The following RNF17 variants were observed in gnomAD, a reference collection of about 807,000 sequenced individuals.
RNF17 encodes spermatogenesis associated 23.
A neutral mutation model predicts 200.5 loss-of-function variants in RNF17; 31 were observed. That is an observed-to-expected ratio of 0.15 (90% CI 0.12 to 0.21). RNF17 has a LOEUF of 0.21. RNF17 is among the 10% of genes least tolerant of loss of function. The pLI is 1.00. For missense variants in RNF17, 1,628 were observed against 1,905.1 expected (o/e 0.85, Z 2.71); for synonymous variants, 606 against 637.8 (o/e 0.95, Z 0.75).
chr13:24,787,085 C>T (rs1883210806), intron 6 of RNF17, among the ~76,000 whole-genome samples: 1 of 151,974 alleles, frequency 6.6e-6, no homozygotes, highest in Admixed American at 6.6e-5. Flanking sequence ...TTCTGCCTGT[C>T]CAAATCTGCA....
At chr13:24,818,326 T>G (rs1027524662) in intron 15 of RNF17, among the ~76,000 whole-genome samples, 1 of 152,124 alleles carries the variant, frequency 6.6e-6, no homozygotes, top group Admixed American at 6.5e-5. Flanking sequence ...CTAAGTGGCC[T>G]TGTAGGAAAA....
At chr13:24,882,329 T>C (rs1953886510), downstream of RNF17, 2 of 151,904 alleles carry the variant, frequency 1.3e-5, no homozygotes, top group Admixed American at 1.3e-4. Context: ...CTGGAATTGA[T>C]AGATTTCATT....
At chr13:24,820,968 AAAC>A (rs1447436848) in intron 15 of RNF17, among the ~76,000 whole-genome samples, 2 of 152,182 alleles carry the variant, frequency 1.3e-5, no homozygotes, top group African/African-American at 4.8e-5. Flanking sequence ...TGGGCAGCTT[AAAC>A]AACAGAATTT....
intron 13 of RNF17, among the ~76,000 whole-genome samples, chr13:24,801,554 C>G (rs935129604): frequency 6.6e-6 from 1 of 151,962 alleles, no homozygotes; most frequent in Non-Finnish European, 1.5e-5. Flanking sequence ...GCTTGGGAGG[C>G]GGAGATTGCA....
chr13:24,800,472 C>G lies in RNF17; in HGVS notation c.1696C>G (p.Leu566Val). ...ATCTGAACCATATACTGAAGGGCTG[C>G]TAAAAGACATCCAGCCATTAGCACA... ...RKSEPYTEGL[L>V]KDIQPLAQPC... is the part of the protein sequence containing the mutation. The change falls in exon 13 of 36, where the codon CTA becomes GTA. Residue 566 changes from leucine (L) to valine (V), a missense_variant. Leu to Val is a conservative substitution (Grantham distance 32, BLOSUM62 1). Coordinates refer to ENST00000255324, the MANE Select transcript of RNF17 (RefSeq NM_031277.3). 1 of 1,613,524 alleles carries G rather than the reference C, an allele frequency of 6.2e-7. No homozygotes were observed. Among genetic ancestry groups the G allele is most frequent in the Non-Finnish European group, 8.5e-7 (1 of 1,179,718 alleles).
At chr13:24,865,291 A>G (rs758265517) in intron 29 of RNF17, among the ~76,000 whole-genome samples, 2 of 152,188 alleles carry the variant, frequency 1.3e-5, no homozygotes, top group African/African-American at 2.4e-5. Flanking sequence ...ACATTCTAAA[A>G]TCTTTATAGA....
chr13:24,755,077 T>C, the RNF17 span, among the ~76,000 whole-genome samples: 3 of 152,194 alleles, frequency 2.0e-5, no homozygotes, highest in Non-Finnish European at 4.4e-5. Context: ...ATATTTGTCC[T>C]TTTCCATTTG....
At chr13:24,883,272 C>T (rs140564566), downstream of RNF17, 1,755 of 1,613,904 alleles carry the variant, frequency 1.1e-3, 2 homozygotes, top group Non-Finnish European at 1.4e-3. Flanking sequence ...TTTGCATATA[C>T]GGTTTTAACA....
At chr13:24,805,836 A>G (rs1395123084) in intron 15 of RNF17, among the ~76,000 whole-genome samples, 1 of 151,126 alleles carries the variant, frequency 6.6e-6, no homozygotes, top group African/African-American at 2.4e-5. Flanking sequence ...CAAGGTTCCA[A>G]TTTCTCCACA....
chr13:24,862,642 G>A (rs1214340943), intron 27 of RNF17, 71 bp from the exon 28 acceptor site: 2 of 903,870 alleles, frequency 2.2e-6, no homozygotes, highest in Admixed American at 3.5e-5. Flanking sequence ...CTACTTTTGT[G>A]TATCTTAATT....
chr13:24,839,980 A>G (rs1890433306), intron 18 of RNF17, among the ~76,000 whole-genome samples: 1 of 152,186 alleles, frequency 6.6e-6, no homozygotes, highest in South Asian at 2.1e-4. Flanking sequence ...CACAATCTGT[A>G]CATCTGACAA....
intron 9 of RNF17, among the ~76,000 whole-genome samples, chr13:24,790,938 T>G (rs1883768614): frequency 6.6e-6 from 1 of 152,184 alleles, no homozygotes; most frequent in South Asian, 2.1e-4. Context: ...AGGCCCCACC[T>G]CTTAATGTCA....
intron 32 of RNF17, among the ~76,000 whole-genome samples, chr13:24,873,033 A>T (rs1894465075): frequency 6.6e-6 from 1 of 152,226 alleles, no homozygotes; most frequent in African/African-American, 2.4e-5. Context: ...GTTAAGGTGT[A>T]CCATTAAAGA....
At chr13:24,876,911 T>C (rs760613457) in intron 33 of RNF17, 86 bp from the exon 34 acceptor site, 28 of 1,092,920 alleles carry the variant, frequency 2.6e-5, no homozygotes, top group Non-Finnish European at 3.0e-5. Flanking sequence ...TCCAATGTTA[T>C]GAAGCGTTTC....
chr13:24,788,289 A>G, intron 7 of RNF17, 130 bp downstream of exon 7: 5 of 612,104 alleles, frequency 8.2e-6, no homozygotes, highest in Non-Finnish European at 1.3e-5. Flanking sequence ...TTCTAAATTG[A>G]TGACAATATA....
rs573608962 is a variant in RNF17, at chr13:24,827,853, G to A, written c.2245+2081G>A. Among the ~76,000 whole-genome samples the A allele has an allele frequency of 4.6e-5, 7 of 152,032 alleles. No homozygotes were observed. In the South Asian group the frequency reaches 6.3e-4, roughly 14 times the overall value. On this transcript the variant is annotated intron_variant, in intron 16 of 35. Coordinates refer to ENST00000255324, the MANE Select transcript of RNF17 (RefSeq NM_031277.3). ...TTGTTGCTGCATCCTCCAGAGGGGA[G>A]AGACACTGTATCCTCTGATGCCAGA...
chr13:24,831,388 A>C (rs1355117165), intron 17 of RNF17, among the ~76,000 whole-genome samples: 5 of 152,080 alleles, frequency 3.3e-5, no homozygotes, highest in Non-Finnish European at 5.9e-5. Context: ...GTTGCGGTGA[A>C]CCAAGATCAT....
At chr13:24,794,878 C>A (rs1884359454) in intron 10 of RNF17, among the ~76,000 whole-genome samples, 1 of 152,120 alleles carries the variant, frequency 6.6e-6, no homozygotes, top group Non-Finnish European at 1.5e-5. Context: ...CCACAATCCT[C>A]AGCTAATTTT....
the RNF17 span, among the ~76,000 whole-genome samples, chr13:24,887,618 CT>C: frequency 6.6e-5 from 10 of 152,270 alleles, no homozygotes; most frequent in South Asian, 2.1e-3. Flanking sequence ...AGGGCTCCCC[CT>C]GATTCTACAT....
Sources: allele counts gnomAD v4.1 joint callset (sites outside exome capture counted in the v4.1 genomes callset), GRCh38; gene constraint gnomAD v4.1.1; transcripts MANE v1.5; gene names NCBI Gene and HGNC (gene_info 2026-07-23, HGNC 2026-07-21).